MIB2: variants seen among roughly 807,000 people sequenced by gnomAD.
The protein encoded by MIB2 is MIB E3 ubiquitin protein ligase 2.
A neutral mutation model predicts 96.6 loss-of-function variants in MIB2; 78 were observed. That is an observed-to-expected ratio of 0.81 (90% CI 0.67 to 0.97). The LOEUF (loss-of-function observed/expected upper bound fraction) is 0.97, where lower values mean the gene tolerates loss of function less well. Among genes scored for constraint, MIB2 ranks in the 50% least tolerant of loss-of-function variants. The probability of loss-of-function intolerance (pLI) is 0.00; values close to 1 mark genes in which losing one functional copy is unlikely to be tolerated. For synonymous variants in MIB2, 820 were observed against 629.5 expected (o/e 1.30, Z -4.53); for missense variants, 1,543 against 1,424.0 (o/e 1.08, Z -1.35).
chr1:1,630,398 C>T lies in MIB2; in HGVS notation c.2736C>T (p.Pro912=), dbSNP rs370381188. 127 of 1,571,014 alleles carry T rather than the reference C, an allele frequency of 8.1e-5. 1 individual carries two copies. The African/African-American group carries it at 1.2e-3, about 15-fold the overall frequency. The part of the protein sequence containing the change: ...YRQMEERITC[P]ICIDSHIRLV... ...AGATGGAGGAACGCATCACCTGCCC[C>T]ATCTGCATCGACAGCCACATCCGCC... The change falls in exon 20 of 20, where the codon CCC becomes CCT. Residue 912 remains proline, a synonymous_variant. Coordinates refer to ENST00000355826, the MANE Select transcript of MIB2 (RefSeq NM_001170687.4).
At chr1:1,615,015 CAA>C (rs70937160), upstream of MIB2, 1,121 of 146,656 alleles carry the variant, frequency 7.6e-3, 5 homozygotes, top group South Asian at 0.026. Context: ...GCTCCGTCTC[CAA>C]AAAAAAAAAA....
chr1:1,620,136 G>A (rs1427276250), intron 2 of MIB2, among the ~76,000 whole-genome samples: 1 of 152,246 alleles, frequency 6.6e-6, no homozygotes, highest in Non-Finnish European at 1.5e-5. Context: ...GCTCACACAT[G>A]GGGCACCCTG....
chr1:1,616,577 C>G lies in MIB2; in HGVS notation c.-60C>G. The stretch of plus-strand genomic sequence containing the variant: ...GGCATCAGGGCTGCAGCCCAGGAGC[C>G]TCAAGGCGGCCCGGCGGGCGACTGG... On this transcript the variant is annotated 5_prime_UTR_variant, in exon 2 of 20. Coordinates refer to ENST00000355826, the MANE Select transcript of MIB2 (RefSeq NM_001170687.4). The G allele has an allele frequency of 6.2e-7, 1 of 1,603,664 alleles. No individual in the cohort carries two copies. Among genetic ancestry groups the G allele is most frequent in the Middle Eastern group, 1.7e-4 (1 of 6,046 alleles).
Position 1,626,598 on chromosome 1 carries a change from T to G in MIB2, c.973-52T>G, listed in dbSNP as rs1569816678. 1 of 1,437,756 alleles carries G rather than the reference T, an allele frequency of 7.0e-7. No individual in the cohort carries two copies. The highest frequency in any genetic ancestry group is 9.3e-7 in the Non-Finnish European group (1 of 1,079,820). 89.1% of individuals were successfully genotyped at this position (1,437,756 alleles called of 1,614,324 possible). On this transcript the variant is annotated intron_variant, in intron 8 of 19. Transcript: ENST00000355826. This position sits in a 1 kb window ranked among gnomAD's most constrained non-coding sequence, Gnocchi z 5.3. ...AGGTTGCCCTCCTGTTGCATGAGCC[T>G]GGGCAGCCACACACAGCTGGGGGGC...
rs1645022667 is a variant in MIB2, at chr1:1,628,419, C to T, written c.1968+20C>T. The T allele has an allele frequency of 6.2e-7, 1 of 1,607,834 alleles. No individual in the cohort carries two copies. Among genetic ancestry groups the T allele is most frequent in the Non-Finnish European group, 8.5e-7 (1 of 1,178,326 alleles). ...CGGGAGGTGCGGACGCGGCCCAGTC[C>T]TGCCCAAGGACCGGGGAGCGGGAGG... On this transcript the variant is annotated intron_variant, in intron 15 of 19. Coordinates refer to ENST00000355826, the MANE Select transcript of MIB2 (RefSeq NM_001170687.4).
chr1:1,629,205 G>T lies in MIB2; in HGVS notation c.2275G>T (p.Glu759Ter), dbSNP rs940808002. Reference protein sequence around the residue: ...GAAVACFLALEGADVSYTNHR... With the variant: ...GAAVACFLAL ...GGCGGTCGCCTGCTTCCTGGCGCTG[G>T]AGGGCGCCGACGTGAGCTACACCAA... The change falls in exon 17 of 20, where the codon GAG becomes TAG. Residue 759 changes from glutamate (E) to a stop codon, truncating the protein, a stop_gained. Coordinates refer to ENST00000355826, the MANE Select transcript of MIB2 (RefSeq NM_001170687.4). LOFTEE classifies it high-confidence loss of function. 6.6e-7 allele frequency: 1 copy of T among 1,526,182 alleles called. No homozygotes were observed. Among genetic ancestry groups the T allele is most frequent in the Non-Finnish European group, 8.7e-7 (1 of 1,146,060 alleles). The allele number at this position is 1,526,182 out of a possible 1,614,324, so 94.5% of individuals were successfully genotyped here. A position where few individuals can be genotyped will look rare whatever the true frequency, so the allele number is the denominator to read the frequency against.
At position 1,624,971 on chromosome 1, in the gene MIB2, G is replaced by GT; in HGVS notation, c.527-20_527-19insT. ...GCTCATGGCTCAGCCTTAGCCTGCT[G>GT]GGGGGGCCTCTTTCCCCAGGAGGGG... On this transcript the variant is annotated intron_variant, in intron 5 of 19. Transcript: ENST00000355826. The GT allele has an allele frequency of 6.2e-7, 1 of 1,607,470 alleles. No homozygotes were observed. Among genetic ancestry groups the GT allele is most frequent in the South Asian group, 1.1e-5 (1 of 90,588 alleles).
intron 5 of MIB2, 21 bp from the exon 6 acceptor site, chr1:1,624,970 T>C: frequency 6.2e-7 from 1 of 1,607,950 alleles, no homozygotes; most frequent in Non-Finnish European, 8.5e-7. Flanking sequence ...CTTAGCCTGC[T>C]GGGGGGGCCT....
chr1:1,629,682 C>G lies in MIB2; in HGVS notation c.2607C>G (p.Val869=). The G allele has an allele frequency of 6.3e-7, 1 of 1,599,526 alleles. No homozygotes were observed. Among genetic ancestry groups the G allele is most frequent in the South Asian group, 1.1e-5 (1 of 89,342 alleles). ...AGAAGTGCATCAGGTGCCAGGTGGT[C>G]GTCAGCAAGAAACTGCGCCCAGGTG... is the stretch of plus-strand genomic sequence containing the variant. ...RMKKCIRCQV[V]VSKKLRPDGS... Residue 869 remains valine (V), a synonymous_variant, in exon 19 of 20, where the codon GTC becomes GTG. Transcript: ENST00000355826.
chr1:1,624,173 G>C lies in MIB2; in HGVS notation c.419+228G>C, dbSNP rs530808519. On this transcript the variant is annotated intron_variant, in intron 4 of 19. Coordinates refer to ENST00000355826, the MANE Select transcript of MIB2 (RefSeq NM_001170687.4). ...TCAGGCAGCCAGCATCCCCCAGGGC[G>C]GCATGAGACCTCCAGGAGGACAGCC... 1.0e-5 allele frequency: 6 copies of C among 579,286 alleles called. No individual in the cohort carries two copies. The East Asian group carries it at 1.4e-4, about 14-fold the overall frequency. The allele number at this position is 579,286 out of a possible 1,614,324, so 35.9% of individuals were successfully genotyped here. A position where few individuals can be genotyped will look rare whatever the true frequency, so the allele number is the denominator to read the frequency against.
chr1:1,630,142 G>A, intron 19 of MIB2, 150 bp from the exon 20 acceptor site: 2 of 561,214 alleles, frequency 3.6e-6, no homozygotes, highest in Non-Finnish European at 6.2e-6. Context: ...CCCCACCTCT[G>A]CCTCCAAATC....
chr1:1,615,748 C>G, intron 1 of MIB2, 115 bp downstream of exon 1: 5 of 1,459,600 alleles, frequency 3.4e-6, no homozygotes, highest in South Asian at 1.3e-5. Flanking sequence ...CCAGCAGCCC[C>G]GGGCTGGACT....
At chr1:1,622,931 C>A (rs1028447691) in intron 2 of MIB2, among the ~76,000 whole-genome samples, 1 of 152,078 alleles carries the variant, frequency 6.6e-6, no homozygotes. Context: ...GGTTGTCTGA[C>A]GTTTTCGTGT....
upstream of MIB2, chr1:1,615,494 G>T: frequency 2.0e-6 from 3 of 1,527,174 alleles, no homozygotes; most frequent in African/African-American, 1.4e-5. Flanking sequence ...CGGGCCCTGG[G>T]CTCCCGCCCT....
chr1:1,623,121 TC>T, intron 2 of MIB2: 1 of 493,368 alleles, frequency 2.0e-6, no homozygotes, highest in Non-Finnish European at 3.5e-6. Flanking sequence ...ATGGTGGTTT[TC>T]TTCCGAGAGC....
At position 1,624,996 on chromosome 1, in the gene MIB2, G is replaced by T; in HGVS notation, c.532G>T (p.Glu178Ter). Residue 178 changes from glutamate (E) to a stop codon, truncating the protein, a stop_gained, in exon 6 of 20, where the codon GAA becomes TAA. Coordinates refer to ENST00000355826, the MANE Select transcript of MIB2 (RefSeq NM_001170687.4). LOFTEE classifies it high-confidence loss of function. ...GGGGGGGCCTCTTTCCCCAGGAGGG[G>T]AAGGGAAACCGGGCCGTGTGGTGGA... ...DWEWGSQDGG[E>*]GKPGRVVDIR... The T allele has an allele frequency of 1.2e-6, 2 of 1,611,286 alleles. No homozygotes were observed. The highest frequency in any genetic ancestry group is 1.7e-6 in the Non-Finnish European group (2 of 1,178,832).
In MIB2 at chr1:1,625,147, C is replaced by T. The variant is rs368773238; in HGVS notation, c.683C>T (p.Ala228Val). 9.9e-6 allele frequency: 16 copies of T among 1,612,506 alleles called. No individual in the cohort carries two copies. Among genetic ancestry groups the T allele is most frequent in the East Asian group, 8.9e-5 (4 of 44,864 alleles). The change falls in exon 6 of 20, where the codon GCG becomes GTG. Residue 228 changes from alanine (A) to valine (V), a missense_variant. Ala to Val is a moderately conservative substitution (Grantham distance 64). Coordinates refer to ENST00000355826, the MANE Select transcript of MIB2 (RefSeq NM_001170687.4). The surrounding 1 kb of genome is among the most constrained non-coding windows in gnomAD (Gnocchi z 5.0). Reference sequence around the variant, plus strand: ...GACCTCAAGTGTGTGGGCGAGGCAGCGGGCGGCTTCTACTACAAGGACCAC... The same window carrying T: ...GACCTCAAGTGTGTGGGCGAGGCAGTGGGCGGCTTCTACTACAAGGACCAC... ...KVDLKCVGEA[A>V]GGFYYKDHLP...
upstream of MIB2, chr1:1,615,421 G>A: frequency 6.8e-7 from 1 of 1,477,534 alleles, no homozygotes; most frequent in South Asian, 1.3e-5. Flanking sequence ...ACGCACTTCC[G>A]GTGCTTGCCC....
rs1644630363 is a variant in MIB2, at chr1:1,625,231, G to A, written c.721+46G>A. 2 of 1,602,172 alleles carry A rather than the reference G, an allele frequency of 1.2e-6. No individual in the cohort carries two copies. Among genetic ancestry groups the A allele is most frequent in the Non-Finnish European group, 1.7e-6 (2 of 1,174,636 alleles). On this transcript the variant is annotated intron_variant, in intron 6 of 19. Coordinates refer to ENST00000355826, the MANE Select transcript of MIB2 (RefSeq NM_001170687.4). The surrounding 1 kb of genome is among the most constrained non-coding windows in gnomAD (Gnocchi z 5.0). ...CTCCATCAGCCCTCCTGCCTTGGCT[G>A]AAGTCCCAGAGGGGAGGGGCCGCTG...
Sources: allele counts gnomAD v4.1 joint callset (sites outside exome capture counted in the v4.1 genomes callset), GRCh38; gene constraint gnomAD v4.1.1; non-coding constraint Gnocchi (gnomAD v3.1); transcripts MANE v1.5; gene names NCBI Gene and HGNC (gene_info 2026-07-23, HGNC 2026-07-21).